The following LRFN2 variants were observed in gnomAD, a reference collection of about 807,000 sequenced individuals.
The protein encoded by LRFN2 is leucine rich repeat and fibronectin type III domain containing 2.
LRFN2 carries 18 observed loss-of-function variants against 37.3 expected under a neutral mutation model. The observed-to-expected ratio is 0.48, with a 90% confidence interval of 0.33 to 0.72. The LOEUF (loss-of-function observed/expected upper bound fraction) is 0.72. Ranked by LOEUF, LRFN2 falls within the 30% of genes least tolerant of loss-of-function variation. The pLI is 0.02. For synonymous variants in LRFN2, 556 were observed against 466.6 expected (o/e 1.19, Z -2.47); for missense variants, 1,006 against 1,060.7 (o/e 0.95, Z 0.72).
chr6:40,523,485 C>T (rs1366197788), intron 1 of LRFN2, among the ~76,000 whole-genome samples: 2 of 148,864 alleles, frequency 1.3e-5, no homozygotes, highest in African/African-American at 5.0e-5. Flanking sequence ...TGCTTTAGGA[C>T]CCTAAAGCAT....
chr6:40,436,855 G>A (rs562347204), intron 1 of LRFN2, among the ~76,000 whole-genome samples: 65 of 152,314 alleles, frequency 4.3e-4, no homozygotes, highest in African/African-American at 1.5e-3. Flanking sequence ...TGTGGTCACA[G>A]AATGAAGAAG....
chr6:40,442,831 C>T (rs1041374733), intron 1 of LRFN2, among the ~76,000 whole-genome samples: 19 of 152,178 alleles, frequency 1.2e-4, no homozygotes, highest in Non-Finnish European at 4.4e-5. Context: ...AACACCCCTC[C>T]TGGTTGTGCG....
At position 40,429,623 on chromosome 6, in the gene LRFN2, A is replaced by G. The variant is rs577723818; in HGVS notation, c.1400+2091T>C. ...TGAGTACTTCCACTGGTGAAAGGGT[A>G]AATATTTATATGTAATGTATAAAGA... On this transcript the variant is annotated intron_variant, in intron 2 of 2. Coordinates refer to ENST00000338305, the MANE Select transcript of LRFN2 (RefSeq NM_020737.3). Among the ~76,000 whole-genome samples, 17 of 152,344 alleles carry G rather than the reference A, an allele frequency of 1.1e-4. No individual in the cohort carries two copies. The South Asian group carries it at 3.5e-3, about 32-fold the overall frequency.
chr6:40,579,178 C>T (rs751402119), intron 1 of LRFN2, among the ~76,000 whole-genome samples: 2 of 152,220 alleles, frequency 1.3e-5, no homozygotes, highest in African/African-American at 2.4e-5. Context: ...ACCACCCTCT[C>T]CTCCAGGGCA....
intron 1 of LRFN2, among the ~76,000 whole-genome samples, chr6:40,525,343 C>T (rs1193637362): frequency 6.6e-6 from 1 of 152,204 alleles, no homozygotes; most frequent in African/African-American, 2.4e-5. Flanking sequence ...TGACAAATGA[C>T]AACTAAATGG....
intron 1 of LRFN2, among the ~76,000 whole-genome samples, chr6:40,503,837 C>T (rs1306677985): frequency 1.3e-5 from 2 of 151,974 alleles, no homozygotes; most frequent in African/African-American, 2.4e-5. Flanking sequence ...AAGAAGAGGA[C>T]TTTACTATGC....
At position 40,392,979 on chromosome 6, in the gene LRFN2, G is replaced by A; in HGVS notation, c.1401-67C>T. On this transcript the variant is annotated intron_variant, in intron 2 of 2. Coordinates refer to ENST00000338305, the MANE Select transcript of LRFN2 (RefSeq NM_020737.3). This position sits in a 1 kb window ranked among gnomAD's most constrained non-coding sequence, Gnocchi z 4.7. The stretch of plus-strand genomic sequence containing the variant: ...TGGAAGGACAGGGTGATGGGGAGTG[G>A]ACAGAGGTAGAAACAGAGTGACAGA... 2 of 1,296,440 alleles carry A rather than the reference G, an allele frequency of 1.5e-6. No homozygotes were observed. Among genetic ancestry groups the A allele is most frequent in the South Asian group, 1.3e-5 (1 of 74,392 alleles). The allele number at this position is 1,296,440 out of a possible 1,614,324, so 80.3% of individuals were successfully genotyped here.
intron 1 of LRFN2, among the ~76,000 whole-genome samples, chr6:40,453,460 C>A (rs1168293546): frequency 6.6e-6 from 1 of 151,286 alleles, no homozygotes; most frequent in African/African-American, 2.4e-5. Context: ...CCAGGCCCAC[C>A]ACCACCCACC....
chr6:40,464,768 G>C (rs1278371496), intron 1 of LRFN2, among the ~76,000 whole-genome samples: 1 of 152,026 alleles, frequency 6.6e-6, no homozygotes, highest in Non-Finnish European at 1.5e-5. Flanking sequence ...ATGCAGAAGA[G>C]TTATTCAACC....
intron 1 of LRFN2, among the ~76,000 whole-genome samples, chr6:40,565,807 T>C (rs1423724989): frequency 1.3e-5 from 2 of 151,760 alleles, no homozygotes; most frequent in Non-Finnish European, 2.9e-5. Context: ...GGCAATACCA[T>C]TCAGGACATA....
chr6:40,534,517 T>C (rs1272937915), intron 1 of LRFN2, among the ~76,000 whole-genome samples: 1 of 152,126 alleles, frequency 6.6e-6, no homozygotes, highest in Non-Finnish European at 1.5e-5. Flanking sequence ...GTGCAGGCTC[T>C]GAAGTCAGCT....
At chr6:40,433,224 A>G (rs1295967035) in intron 1 of LRFN2, 93 bp from the exon 2 acceptor site, 2 of 1,087,328 alleles carry the variant, frequency 1.8e-6, no homozygotes, top group African/African-American at 3.2e-5. Flanking sequence ...TCACTGCCTT[A>G]GGGAGTGGCA....
At chr6:40,537,695 G>C (rs922927083) in intron 1 of LRFN2, among the ~76,000 whole-genome samples, 2 of 152,124 alleles carry the variant, frequency 1.3e-5, no homozygotes, top group Non-Finnish European at 2.9e-5. Context: ...AAGCTCCACT[G>C]TCGGGGCAGA....
chr6:40,465,741 C>G (rs1474379231), intron 1 of LRFN2, among the ~76,000 whole-genome samples: 1 of 152,020 alleles, frequency 6.6e-6, no homozygotes, highest in Non-Finnish European at 1.5e-5. Flanking sequence ...AATTTGGGGA[C>G]TGGAGAGATA....
At chr6:40,511,103 C>A (rs1765693779) in intron 1 of LRFN2, among the ~76,000 whole-genome samples, 1 of 152,190 alleles carries the variant, frequency 6.6e-6, no homozygotes, top group Admixed American at 6.5e-5. Flanking sequence ...GTTGAGTTAT[C>A]ATGCACACCA....
intron 1 of LRFN2, chr6:40,502,215 C>T (rs991114085): frequency 1.3e-5 from 2 of 152,252 alleles, no homozygotes; most frequent in African/African-American, 4.8e-5. Flanking sequence ...CACAGAACTT[C>T]AGTGAGTTGC....
chr6:40,442,730 G>A lies in LRFN2; in HGVS notation c.-18-9599C>T, dbSNP rs113827753. On this transcript the variant is annotated intron_variant, in intron 1 of 2. Coordinates refer to ENST00000338305, the MANE Select transcript of LRFN2 (RefSeq NM_020737.3). ...GATAAGCCCAAATTTCTGCCTCCTG[G>A]GTCTGAGGCTGACATGAGCAATGTC... 2.3e-3 allele frequency among the ~76,000 whole-genome samples: 344 copies of A among 152,230 alleles called. 1 individual carries two copies. The highest frequency in any genetic ancestry group is 7.8e-3 in the African/African-American group (323 of 41,544).
chr6:40,471,065 G>A (rs902550306), intron 1 of LRFN2, among the ~76,000 whole-genome samples: 2 of 152,168 alleles, frequency 1.3e-5, no homozygotes, highest in South Asian at 2.1e-4. Flanking sequence ...AGGGGCGTGG[G>A]GGGCAGTGGC....
chr6:40,432,507 C>A lies in LRFN2; in HGVS notation c.607G>T (p.Asp203Tyr), dbSNP rs1194778444. Reference protein sequence around the residue: ...FADLQKLARLDLTSNRLQKLP... With the variant: ...FADLQKLARLYLTSNRLQKLP... The stretch of plus-strand genomic sequence containing the variant: ...TTCTGCAGCCGATTGGAGGTGAGAT[C>A]CAGGCGGGCCAGTTTCTGCAGGTCT... Residue 203 changes from aspartate (D) to tyrosine (Y), a missense_variant, in exon 2 of 3, where the codon GAT becomes TAT. Transcript: ENST00000338305. 1.2e-6 allele frequency: 2 copies of A among 1,614,094 alleles called. No individual in the cohort carries two copies. The highest frequency in any genetic ancestry group is 1.3e-5 in the African/African-American group (1 of 74,938).
Sources: allele counts gnomAD v4.1 joint callset (sites outside exome capture counted in the v4.1 genomes callset), GRCh38; gene constraint gnomAD v4.1.1; non-coding constraint Gnocchi (gnomAD v3.1); transcripts MANE v1.5; gene names NCBI Gene and HGNC (gene_info 2026-07-23, HGNC 2026-07-21).